TTLL5: variants seen among roughly 807,000 people sequenced by gnomAD.
The protein encoded by TTLL5 is tubulin polyglutamylase TTLL5.
In TTLL5, 132 loss-of-function variants were observed where a neutral mutation model predicts 168.4. The ratio of observed to expected loss-of-function variants is 0.78; its 90% CI spans 0.68 to 0.91. The LOEUF is 0.91. Ranked by LOEUF, TTLL5 falls within the 40% of genes least tolerant of loss-of-function variation. TTLL5 has a pLI of 0.00. For synonymous variants in TTLL5, 546 were observed against 558.6 expected (o/e 0.98, Z 0.32); for missense variants, 1,545 against 1,581.5 (o/e 0.98, Z 0.39).
At chr14:75,717,835 C>A in intron 9 of TTLL5, 26 bp from the exon 10 acceptor site, 1 of 1,604,536 alleles carries the variant, frequency 6.2e-7, no homozygotes. Flanking sequence ...CTGTTCCTGG[C>A]ATTTAACCTG....
At chr14:75,748,281 TAAA>T (rs35811861) in intron 17 of TTLL5, among the ~76,000 whole-genome samples, 12,294 of 143,384 alleles carry the variant, frequency 0.086, 714 homozygotes, top group Non-Finnish European at 0.11. Context: ...AACTTTTTCT[TAAA>T]AAAAAAAAAA....
chr14:75,805,652 C>T (rs1893610355), intron 27 of TTLL5, among the ~76,000 whole-genome samples: 1 of 152,162 alleles, frequency 6.6e-6, no homozygotes, highest in Non-Finnish European at 1.5e-5. Context: ...TATTGCAGAA[C>T]ATTCAAAATA....
chr14:75,809,723 C>G (rs972539317), intron 27 of TTLL5, among the ~76,000 whole-genome samples: 1 of 152,110 alleles, frequency 6.6e-6, no homozygotes, highest in South Asian at 2.1e-4. Flanking sequence ...TCTCCTTCCC[C>G]TTTTTCCCTT....
At chr14:75,912,942 G>C (rs966361171) in intron 31 of TTLL5, among the ~76,000 whole-genome samples, 2 of 152,150 alleles carry the variant, frequency 1.3e-5, no homozygotes, top group African/African-American at 4.8e-5. Flanking sequence ...GTTTCCTTGT[G>C]GTCTTCGTAA....
chr14:75,746,756 G>T (rs1379594706), intron 17 of TTLL5, among the ~76,000 whole-genome samples: 1 of 151,952 alleles, frequency 6.6e-6, no homozygotes, highest in Non-Finnish European at 1.5e-5. Context: ...TAGAGATGGG[G>T]TCTCCCCATG....
intron 15 of TTLL5, among the ~76,000 whole-genome samples, chr14:75,740,762 A>G (rs2140249464): frequency 6.6e-6 from 1 of 152,164 alleles, no homozygotes; most frequent in South Asian, 2.1e-4. Context: ...CATTCATTTT[A>G]CTTTTAAACT....
At chr14:75,666,733 C>A (rs1026259022) in intron 2 of TTLL5, among the ~76,000 whole-genome samples, 1 of 152,090 alleles carries the variant, frequency 6.6e-6, no homozygotes, top group Non-Finnish European at 1.5e-5. Flanking sequence ...AGCCTAGAAG[C>A]AAGAATGCAA....
At chr14:75,869,182 C>T (rs1377789599) in intron 29 of TTLL5, among the ~76,000 whole-genome samples, 3 of 152,072 alleles carry the variant, frequency 2.0e-5, no homozygotes, top group African/African-American at 7.2e-5. Context: ...TTAGCAGGAA[C>T]TCATACTTAG....
In TTLL5 at chr14:75,669,473, C is replaced by T. The variant is rs752228713; in HGVS notation, c.132C>T (p.Phe44=). The T allele has an allele frequency of 1.2e-6, 2 of 1,614,124 alleles. No homozygotes were observed. Among genetic ancestry groups the T allele is most frequent in the East Asian group, 2.2e-5 (1 of 44,878 alleles). The part of the protein sequence containing the change: ...GGCRRIPVLV[F]HADAILTKDN... The stretch of plus-strand genomic sequence containing the variant: ...GCAGGAGAATTCCAGTTTTGGTATT[C>T]CATGCCGACGCTATTCTTACAAAGG... The change falls in exon 3 of 32, where the codon TTC becomes TTT. Residue 44 remains phenylalanine, a synonymous_variant. Coordinates refer to ENST00000298832, the MANE Select transcript of TTLL5 (RefSeq NM_015072.5).
intron 20 of TTLL5, among the ~76,000 whole-genome samples, chr14:75,770,315 C>T (rs1045512683): frequency 2.6e-5 from 4 of 151,472 alleles, no homozygotes; most frequent in African/African-American, 4.9e-5. Flanking sequence ...ATGTATTAAA[C>T]TCTCAAAAGC....
At chr14:75,773,600 A>G (rs895099933) in intron 21 of TTLL5, among the ~76,000 whole-genome samples, 2 of 152,010 alleles carry the variant, frequency 1.3e-5, no homozygotes, top group African/African-American at 4.8e-5. Flanking sequence ...TCTTGAAAAT[A>G]TATCTAGGCT....
chr14:75,954,214 C>G (rs2035044572), intron 31 of TTLL5, among the ~76,000 whole-genome samples: 1 of 143,766 alleles, frequency 7.0e-6, no homozygotes, highest in Non-Finnish European at 1.5e-5. Context: ...GATCGCGCCA[C>G]TGCACTCCAG....
Position 75,765,623 on chromosome 14 carries a change from G to A in TTLL5, c.1709-439G>A, listed in dbSNP as rs374926575. Among the ~76,000 whole-genome samples the A allele has an allele frequency of 1.3e-4, 20 of 152,240 alleles. No individual in the cohort carries two copies. The East Asian group carries it at 2.9e-3, about 22-fold the overall frequency. ...CATGCCTGTAATCCCAGCACTTTAG[G>A]AGGCCAAGGTGGGCGAATCGCTTGA... is the stretch of plus-strand genomic sequence containing the variant. On this transcript the variant is annotated intron_variant, in intron 19 of 31. Coordinates refer to ENST00000298832, the MANE Select transcript of TTLL5 (RefSeq NM_015072.5).
intron 28 of TTLL5, among the ~76,000 whole-genome samples, chr14:75,825,072 A>G (rs1029021537): frequency 6.6e-6 from 1 of 152,172 alleles, no homozygotes; most frequent in African/African-American, 2.4e-5. Context: ...CTTTTTTTCA[A>G]TGCACATAGT....
Position 75,683,564 on chromosome 14 carries a change from C to T in TTLL5, c.279C>T (p.Ser93=). The change falls in exon 5 of 32, where the codon AGC becomes AGT. Residue 93 remains serine (S), a synonymous_variant. Coordinates refer to ENST00000298832, the MANE Select transcript of TTLL5 (RefSeq NM_015072.5). ...TCTGCCCTCAGGTTCACCCAAGCAG[C>T]ACTGACTATAACCTAATGTGGACAG... ...AHGFHEVHPS[S]TDYNLMWTGS... 6.2e-7 allele frequency: 1 copy of T among 1,613,852 alleles called. No homozygotes were observed.
rs769693663 is a variant in TTLL5 at position 75,719,821 on chromosome 14, C to A, written c.929C>A (p.Thr310Lys). Residue 310 changes from threonine to lysine, a missense_variant, in exon 11 of 32, where the codon ACA (threonine) becomes AAA (lysine). By Grantham distance (78) the Thr-to-Lys change is moderately conservative (BLOSUM62 -1). Coordinates refer to ENST00000298832, the MANE Select transcript of TTLL5 (RefSeq NM_015072.5). The part of the protein sequence containing the change: ...LRYLKQEGRD[T>K]TALMAHVEDL... The stretch of plus-strand genomic sequence containing the variant: ...TACCTGAAACAAGAAGGCAGAGATA[C>A]AACCGGTGAGTACTGGGCCTTTTTC... 6.2e-7 allele frequency: 1 copy of A among 1,613,808 alleles called. No homozygotes were observed. The highest frequency in any genetic ancestry group is 8.5e-7 in the Non-Finnish European group (1 of 1,179,788).
At chr14:75,855,697 A>T (rs772299349) in intron 28 of TTLL5, among the ~76,000 whole-genome samples, 2 of 152,210 alleles carry the variant, frequency 1.3e-5, no homozygotes, top group Non-Finnish European at 2.9e-5. Context: ...CATATGCAAG[A>T]CATACTTCAA....
Position 75,681,713 on chromosome 14 carries a change from A to G in TTLL5, c.264+86A>G, listed in dbSNP as rs186137096. On this transcript the variant is annotated intron_variant, in intron 4 of 31. Transcript: ENST00000298832. Reference sequence around the variant, plus strand: ...ACTGACTTTACCAGTTAACAGGGCCAGCTCCAGGAAGTACATGGGACCAAT... The same window carrying G: ...ACTGACTTTACCAGTTAACAGGGCCGGCTCCAGGAAGTACATGGGACCAAT... The G allele has an allele frequency of 3.7e-3, 4,171 of 1,127,496 alleles. 15 individuals are homozygous for G. Among genetic ancestry groups the G allele is most frequent in the Non-Finnish European group, 4.3e-3 (3,246 of 748,322 alleles). The allele number at this position is 1,127,496 out of a possible 1,614,324, so 69.8% of individuals were successfully genotyped here.
At chr14:75,930,346 A>G (rs2034234877) in intron 31 of TTLL5, among the ~76,000 whole-genome samples, 1 of 152,218 alleles carries the variant, frequency 6.6e-6, no homozygotes, top group Non-Finnish European at 1.5e-5. Context: ...TACCTAATCT[A>G]CAAATGCAAA....
Sources: allele counts gnomAD v4.1 joint callset (sites outside exome capture counted in the v4.1 genomes callset), GRCh38; gene constraint gnomAD v4.1.1; transcripts MANE v1.5; gene names NCBI Gene and HGNC (gene_info 2026-07-23, HGNC 2026-07-21).